The following ZNF431 variants were observed in gnomAD, a reference collection of about 807,000 sequenced individuals.
ZNF431 encodes zinc finger protein 431.
A neutral mutation model predicts 57.0 loss-of-function variants in ZNF431; 34 were observed. The observed-to-expected ratio is 0.60, with a 90% confidence interval of 0.45 to 0.79. The LOEUF is 0.79. Ranked by LOEUF, ZNF431 falls within the 30% of genes least tolerant of loss-of-function variation. The probability of loss-of-function intolerance (pLI) is 0.00; values close to 1 mark genes in which losing one functional copy is unlikely to be tolerated. For missense variants in ZNF431, 607 were observed against 667.1 expected, an observed-to-expected ratio of 0.91 and a Z score of 0.99; for synonymous variants, 207 against 220.3, an observed-to-expected ratio of 0.94 and a Z score of 0.54.
intron 2 of ZNF431, among the ~76,000 whole-genome samples, chr19:21,165,805 C>G (rs1970704531): frequency 6.6e-6 from 1 of 152,016 alleles, no homozygotes; most frequent in Admixed American, 6.6e-5. Flanking sequence ...AACACAGTCT[C>G]TTTCACTTGC....
intron 2 of ZNF431, chr19:21,150,056 A>G (rs1970226788): frequency 1.6e-6 from 1 of 618,862 alleles, no homozygotes; most frequent in East Asian, 3.6e-5. Context: ...TGGTCTCTTA[A>G]TAAGGATGTC....
intron 2 of ZNF431, among the ~76,000 whole-genome samples, chr19:21,156,797 CTG>C (rs1701242716): frequency 6.6e-6 from 1 of 151,544 alleles, no homozygotes; most frequent in Non-Finnish European, 1.5e-5. Context: ...TATTTGGAGA[CTG>C]TGTTTCACTC....
intron 2 of ZNF431, chr19:21,150,187 G>A (rs1970230834): frequency 1.7e-6 from 1 of 576,506 alleles, no homozygotes; most frequent in South Asian, 1.6e-5. Flanking sequence ...GGTGGTCCAG[G>A]CCCTGGGTGA....
At position 21,189,733 on chromosome 19, in the gene ZNF431, GTT is replaced by G. The variant is rs569613288; in HGVS notation, c.*5704_*5705del. On this transcript the variant is annotated 3_prime_UTR_variant, in exon 5 of 5. Transcript: ENST00000311048. ...TTACTCTCTACATCAATGGGATTAA[GTT>G]TTTTGGAATCCATGTGTAAGTGAAA... 44 of 392,082 alleles carry G rather than the reference GTT, an allele frequency of 1.1e-4. No individual in the cohort carries two copies. The highest frequency in any genetic ancestry group is 8.0e-4 in the African/African-American group (39 of 48,574). The allele number at this position is 392,082 out of a possible 1,614,324, so 24.3% of individuals were successfully genotyped here.
At chr19:21,148,468 C>T (rs1056580208) in intron 2 of ZNF431, among the ~76,000 whole-genome samples, 9 of 152,046 alleles carry the variant, frequency 5.9e-5, no homozygotes, top group African/African-American at 9.7e-5. Context: ...AAAATAATAC[C>T]TATTTAACTT....
chr19:21,177,678 C>T (rs1042187355), intron 4 of ZNF431, among the ~76,000 whole-genome samples: 1 of 152,132 alleles, frequency 6.6e-6, no homozygotes, highest in Non-Finnish European at 1.5e-5. Context: ...ATCCTAGCTA[C>T]TTGGGAGGCT....
At position 21,185,895 on chromosome 19, in the gene ZNF431, C is replaced by T. The variant is rs866054268; in HGVS notation, c.*1861C>T. 1 of 152,070 alleles carries T rather than the reference C, an allele frequency of 6.6e-6. No homozygotes were observed. The highest frequency in any genetic ancestry group is 6.5e-5 in the Admixed American group (1 of 15,274). The allele number at this position is 152,070 out of a possible 1,614,324, so 9.4% of individuals were successfully genotyped here. A position where few individuals can be genotyped will look rare whatever the true frequency, so the allele number is the denominator to read the frequency against. ...CTTTAAAAAAAAATTTTTAAATGTA[C>T]AATTAAATTTTTATTTACCACAGTG... On this transcript the variant is annotated 3_prime_UTR_variant, in exon 5 of 5. Coordinates refer to ENST00000311048, the MANE Select transcript of ZNF431 (RefSeq NM_133473.4).
chr19:21,160,009 TA>T (rs1411209192), intron 2 of ZNF431, among the ~76,000 whole-genome samples: 1 of 145,366 alleles, frequency 6.9e-6, no homozygotes, highest in African/African-American at 2.5e-5. Context: ...TAGGTAGACA[TA>T]TTACTTAGAG....
intron 2 of ZNF431, among the ~76,000 whole-genome samples, chr19:21,152,055 C>G (rs1269247577): frequency 6.6e-6 from 1 of 152,118 alleles, no homozygotes; most frequent in East Asian, 1.9e-4. Flanking sequence ...TTTTTCTGGC[C>G]AGATCAAAAT....
intron 2 of ZNF431, among the ~76,000 whole-genome samples, chr19:21,154,693 C>G (rs901061320): frequency 4.6e-5 from 7 of 152,004 alleles, no homozygotes; most frequent in African/African-American, 1.7e-4. Context: ...TGTTTCCTGA[C>G]TTTTTAATGA....
chr19:21,166,267 T>C lies in ZNF431; in HGVS notation c.97-68T>C. 3 of 1,569,234 alleles carry C rather than the reference T, an allele frequency of 1.9e-6. No homozygotes were observed. In the South Asian group the frequency reaches 3.6e-5, roughly 19 times the overall value. On this transcript the variant is annotated intron_variant, in intron 2 of 4. Transcript: ENST00000311048. ...CTTTACTCTCTCAATTCACCTTAAT[T>C]CAAATAATAAATTCTGCCCATGGCC...
At chr19:21,152,441 C>G (rs1970300484) in intron 2 of ZNF431, among the ~76,000 whole-genome samples, 1 of 152,112 alleles carries the variant, frequency 6.6e-6, no homozygotes, top group African/African-American at 2.4e-5. Context: ...TCCCATGGTC[C>G]TGTAGATGCC....
chr19:21,151,413 A>C (rs1202607832), intron 2 of ZNF431, among the ~76,000 whole-genome samples: 2 of 152,220 alleles, frequency 1.3e-5, no homozygotes, highest in African/African-American at 4.8e-5. Flanking sequence ...ATTCAGGTCA[A>C]ACAGCCAATA....
Position 21,145,358 on chromosome 19 carries a change from C to T in ZNF431, c.96+1715C>T, listed in dbSNP as rs543826497. On this transcript the variant is annotated intron_variant, in intron 2 of 4. Coordinates refer to ENST00000311048, the MANE Select transcript of ZNF431 (RefSeq NM_133473.4). ...AGGCGTAGTGGTGGGCGCCTGTAGT[C>T]CCAGCTTACTCGGGAGGCTGAGGCA... Among the ~76,000 whole-genome samples, 6 of 152,254 alleles carry T rather than the reference C, an allele frequency of 3.9e-5. 1 individual carries two copies. The highest frequency in any genetic ancestry group is 1.4e-4 in the African/African-American group (6 of 41,536).
At chr19:21,154,811 AT>A (rs1376985114) in intron 2 of ZNF431, among the ~76,000 whole-genome samples, 1 of 152,234 alleles carries the variant, frequency 6.6e-6, no homozygotes, top group Admixed American at 6.5e-5. Flanking sequence ...GGCTGCATAA[AT>A]GCCTTCTTTT....
At position 21,157,131 on chromosome 19, in the gene ZNF431, G is replaced by GTTT. The variant is rs398059617; in HGVS notation, c.97-9202_97-9200dup. Among the ~76,000 whole-genome samples, 131 of 104,908 alleles carry GTTT rather than the reference G, an allele frequency of 1.2e-3. 1 individual carries two copies. The highest frequency in any genetic ancestry group is 4.3e-3 in the African/African-American group (122 of 28,586). The allele number at this position is 104,908 out of a possible 152,430, so 68.8% of individuals were successfully genotyped here. The stretch of plus-strand genomic sequence containing the variant: ...ATTAATAGGCAGTTAGGTTTGTTTT[G>GTTT]TTTTATGTCTTTGTTTGTTTGTTTG... On this transcript the variant is annotated intron_variant, in intron 2 of 4. Transcript: ENST00000311048.
Position 21,189,753 on chromosome 19 carries a change from A to G in ZNF431, c.*5719A>G. The G allele has an allele frequency of 2.5e-6, 1 of 394,666 alleles. No individual in the cohort carries two copies. Among genetic ancestry groups the G allele is most frequent in the Non-Finnish European group, 4.5e-6 (1 of 224,050 alleles). 24.4% of individuals were successfully genotyped at this position (394,666 alleles called of 1,614,324 possible). ...ATTAAGTTTTTTGGAATCCATGTGTAAGTGAAATTATGAGACACTAATCTT... is the reference window on the plus strand; with the variant it reads ...ATTAAGTTTTTTGGAATCCATGTGTGAGTGAAATTATGAGACACTAATCTT... On this transcript the variant is annotated 3_prime_UTR_variant, in exon 5 of 5. Transcript: ENST00000311048.
chr19:21,181,924 C>G (rs1053209433), intron 4 of ZNF431, among the ~76,000 whole-genome samples: 1 of 151,980 alleles, frequency 6.6e-6, no homozygotes, highest in African/African-American at 2.4e-5. Flanking sequence ...GTAGCTTTGT[C>G]CTGGCATAGT....
At chr19:21,180,817 C>T (rs1027801093) in intron 4 of ZNF431, among the ~76,000 whole-genome samples, 1 of 151,858 alleles carries the variant, frequency 6.6e-6, no homozygotes, top group African/African-American at 2.4e-5. Flanking sequence ...CATGGTGGTG[C>T]ACACCTGTAG....
Sources: gnomAD v4.1 joint callset for allele counts (sites outside exome capture counted in the v4.1 genomes callset) on GRCh38, gnomAD v4.1.1 for gene constraint, MANE v1.5 for transcripts, NCBI Gene and HGNC (gene_info 2026-07-23, HGNC 2026-07-21) for gene names.